NPNT: variants seen among roughly 807,000 people sequenced by gnomAD.
The protein encoded by NPNT is preosteoblast EGF-like repeat protein with MAM domain.
A neutral mutation model predicts 68.6 loss-of-function variants in NPNT; 45 were observed. That is an observed-to-expected ratio of 0.66 (90% CI 0.52 to 0.84). The LOEUF (loss-of-function observed/expected upper bound fraction) is 0.84. Ranked by LOEUF, NPNT falls within the 40% of genes least tolerant of loss-of-function variation. The pLI, the probability that NPNT is intolerant of heterozygous loss-of-function variation, is 0.00. For synonymous variants in NPNT, 233 were observed against 253.3 expected (o/e 0.92, Z 0.76); for missense variants, 672 against 714.8 (o/e 0.94, Z 0.68).
chr4:105,958,503 A>T lies in NPNT; in HGVS notation c.1192A>T (p.Ile398Leu). 1 of 1,612,260 alleles carries T rather than the reference A, an allele frequency of 6.2e-7. No individual in the cohort carries two copies. The highest frequency in any genetic ancestry group is 8.5e-7 in the Non-Finnish European group (1 of 1,178,844). ...PRQPSNDLFE[I>L]FEIERGVSAD... is the part of the protein sequence containing the mutation. ...GCAACCTTCAAATGACTTGTTTGAAATATTTGAAATAGAAAGAGGAGTCAG... is the reference window on the plus strand; with the variant it reads ...GCAACCTTCAAATGACTTGTTTGAATTATTTGAAATAGAAAGAGGAGTCAG... The change falls in exon 9 of 12, where the codon ATA becomes TTA. Residue 398 changes from isoleucine (I) to leucine (L), a missense_variant. Coordinates refer to ENST00000379987, the MANE Select transcript of NPNT (RefSeq NM_001033047.3).
At chr4:105,933,466 G>C (rs1435523633) in intron 3 of NPNT, among the ~76,000 whole-genome samples, 3 of 152,144 alleles carry the variant, frequency 2.0e-5, no homozygotes, top group African/African-American at 7.2e-5. Flanking sequence ...TCTCTGCTGA[G>C]AAGAAATTTG....
At chr4:105,908,876 G>T (rs563049747) in intron 2 of NPNT, among the ~76,000 whole-genome samples, 1 of 151,956 alleles carries the variant, frequency 6.6e-6, no homozygotes, top group Non-Finnish European at 1.5e-5. Context: ...CCTTATTTTC[G>T]TAAATCAAAG....
intron 1 of NPNT, among the ~76,000 whole-genome samples, chr4:105,896,904 G>A (rs1410229613): frequency 2.6e-5 from 4 of 152,184 alleles, no homozygotes; most frequent in Non-Finnish European, 5.9e-5. Flanking sequence ...TTAAGAAAAC[G>A]TGATAGCAGC....
chr4:105,898,078 T>C (rs1726026229), intron 2 of NPNT, 77 bp downstream of exon 2: 1 of 968,800 alleles, frequency 1.0e-6, no homozygotes, highest in Non-Finnish European at 1.6e-6. Context: ...ACCCCACATA[T>C]CAGAGGGTTC....
Position 105,970,374 on chromosome 4 carries a change from A to G in NPNT, c.*1384A>G, listed in dbSNP as rs6817700. On this transcript the variant is annotated 3_prime_UTR_variant, in exon 12 of 12. Coordinates refer to ENST00000379987, the MANE Select transcript of NPNT (RefSeq NM_001033047.3). ...TTAAGTAATCAGAATATTTTCTGCT[A>G]TTTTTGCCAGGAATCACAAAGATGA... 385,742 of 696,568 alleles carry G rather than the reference A, an allele frequency of 0.55. 108,935 individuals are homozygous for G. The highest frequency in any genetic ancestry group is 0.77 in the East Asian group (28,778 of 37,172). 43.1% of individuals were successfully genotyped at this position (696,568 alleles called of 1,614,324 possible). A position where few individuals can be genotyped will look rare whatever the true frequency, so the allele number is the denominator to read the frequency against.
intron 3 of NPNT, among the ~76,000 whole-genome samples, chr4:105,934,568 A>C (rs1463308050): frequency 6.6e-6 from 1 of 152,232 alleles, no homozygotes. Flanking sequence ...GTCACTAGGG[A>C]TATTAACACC....
At chr4:105,920,262 ACTTATT>A (rs1257110767) in intron 2 of NPNT, among the ~76,000 whole-genome samples, 1 of 151,716 alleles carries the variant, frequency 6.6e-6, no homozygotes, top group Non-Finnish European at 1.5e-5. Flanking sequence ...GCAACAGAAA[ACTTATT>A]CTAGCCTCCC....
rs1254696959 is a variant in NPNT at position 105,970,460 on chromosome 4, T to C, written c.*1470T>C. The C allele has an allele frequency of 1.4e-6, 1 of 699,156 alleles. No homozygotes were observed. Among genetic ancestry groups the C allele is most frequent in the Middle Eastern group, 2.3e-4 (1 of 4,348 alleles). 43.3% of individuals were successfully genotyped at this position (699,156 alleles called of 1,614,324 possible). A position where few individuals can be genotyped will look rare whatever the true frequency, so the allele number is the denominator to read the frequency against. ...TTAAAGGAACTGGGATTATTGAGCC[T>C]GGAGAAGAGAAGACTGAGGGGCAAA... On this transcript the variant is annotated 3_prime_UTR_variant, in exon 12 of 12. Coordinates refer to ENST00000379987, the MANE Select transcript of NPNT (RefSeq NM_001033047.3).
chr4:105,915,880 A>G, intron 2 of NPNT, among the ~76,000 whole-genome samples: 1 of 152,152 alleles, frequency 6.6e-6, no homozygotes, highest in East Asian at 1.9e-4. Flanking sequence ...TTCAGTCAAC[A>G]TTGATTATTG....
chr4:105,899,994 G>A (rs1028478269), intron 2 of NPNT, among the ~76,000 whole-genome samples: 6 of 152,198 alleles, frequency 3.9e-5, no homozygotes, highest in Non-Finnish European at 8.8e-5. Flanking sequence ...TTTAAAGAAA[G>A]TCTTTATGAA....
intron 2 of NPNT, chr4:105,912,241 T>C (rs1471031493): frequency 1.3e-6 from 2 of 1,525,832 alleles, no homozygotes; most frequent in Non-Finnish European, 1.8e-6. Flanking sequence ...GCTCAAAGGT[T>C]AGATGAACAT....
intron 2 of NPNT, chr4:105,912,570 A>G: frequency 1.0e-6 from 1 of 995,546 alleles, no homozygotes; most frequent in Non-Finnish European, 1.2e-6. Flanking sequence ...AAAGTCCACC[A>G]AATGAAATTA....
chr4:105,933,487 A>T (rs1238587719), intron 3 of NPNT, among the ~76,000 whole-genome samples: 1 of 152,190 alleles, frequency 6.6e-6, no homozygotes, highest in East Asian at 1.9e-4. Context: ...ATGCATTTGT[A>T]TATTTTCTAC....
intron 2 of NPNT, chr4:105,912,516 G>A: frequency 1.6e-6 from 1 of 613,382 alleles, no homozygotes; most frequent in Middle Eastern, 6.5e-4. Flanking sequence ...CTAAGCTAAA[G>A]GACAGTTTAT....
At chr4:105,895,954 A>C (rs1725797762) in intron 1 of NPNT, 3 of 546,890 alleles carry the variant, frequency 5.5e-6, no homozygotes, top group Non-Finnish European at 9.7e-6. Context: ...CGGCCCCCCG[A>C]GGGCGACTCG....
intron 10 of NPNT, among the ~76,000 whole-genome samples, chr4:105,961,381 C>T (rs927749976): frequency 2.0e-5 from 3 of 152,166 alleles, no homozygotes; most frequent in Non-Finnish European, 4.4e-5. Flanking sequence ...TCATGTATGA[C>T]AGAATGGTGA....
chr4:105,921,252 C>T (rs547708293), intron 2 of NPNT, among the ~76,000 whole-genome samples: 12 of 152,260 alleles, frequency 7.9e-5, no homozygotes, highest in African/African-American at 2.6e-4. Context: ...CTTCCAAATG[C>T]ACTCAAAAAT....
At chr4:105,954,436 A>G (rs377615562) in intron 8 of NPNT, among the ~76,000 whole-genome samples, 38 of 152,322 alleles carry the variant, frequency 2.5e-4, no homozygotes, top group African/African-American at 8.4e-4. Context: ...TTCCCCTATG[A>G]CACCCACTCT....
chr4:105,904,516 A>G (rs1726715055), intron 2 of NPNT, among the ~76,000 whole-genome samples: 1 of 152,176 alleles, frequency 6.6e-6, no homozygotes, highest in South Asian at 2.1e-4. Context: ...TCTGTTTCCC[A>G]TCAGACCAGA....
Sources: allele counts gnomAD v4.1 joint callset (sites outside exome capture counted in the v4.1 genomes callset), GRCh38; gene constraint gnomAD v4.1.1; transcripts MANE v1.5; gene names NCBI Gene and HGNC (gene_info 2026-07-23, HGNC 2026-07-21).